The following MUC22 variants were observed in gnomAD, a reference collection of about 807,000 sequenced individuals.
MUC22 encodes the protein mucin-22.
A neutral mutation model predicts 40.3 loss-of-function variants in MUC22; 24 were observed. The ratio of observed to expected loss-of-function variants is 0.60; its 90% CI spans 0.43 to 0.84. The LOEUF (loss-of-function observed/expected upper bound fraction) is 0.84, where lower values mean the gene tolerates loss of function less well. Ranked by LOEUF, MUC22 falls within the 40% of genes least tolerant of loss-of-function variation. MUC22 has a pLI of 0.00. For synonymous variants in MUC22, 765 were observed against 844.5 expected (o/e 0.91, Z 1.63); for missense variants, 1,926 against 2,130.7 (o/e 0.90, Z 1.89).
chr6:31,014,734 C>T (rs923611699), intron 1 of MUC22, among the ~76,000 whole-genome samples: 3 of 152,176 alleles, frequency 2.0e-5, no homozygotes, highest in African/African-American at 7.2e-5. Flanking sequence ...TCCATGCAGT[C>T]ATTCAGGGAT....
At chr6:31,028,528 G>A (rs1260546226) in exon 2 of MUC22, 1 of 1,533,048 alleles carries the variant, frequency 6.5e-7, no homozygotes, top group Non-Finnish European at 8.7e-7. Context: ...CATGGGCTCT[G>A]AGACCACTAT....
At chr6:31,014,941 G>C (rs1265869443) in intron 1 of MUC22, among the ~76,000 whole-genome samples, 1 of 152,144 alleles carries the variant, frequency 6.6e-6, no homozygotes, top group East Asian at 1.9e-4. Context: ...ACCTGAGAAA[G>C]ACATCAAGGT....
chr6:31,026,212 C>CAGATTCTA lies in MUC22; in HGVS notation c.781_782insAGATTCTA (p.Pro261GlnfsTer24). 1.3e-6 allele frequency: 2 copies of CAGATTCTA among 1,516,938 alleles called. 1 individual carries two copies. The highest frequency in any genetic ancestry group is 2.4e-5 in the South Asian group (2 of 83,216). The allele number at this position is 1,516,938 out of a possible 1,614,324, so 94.0% of individuals were successfully genotyped here. A position where few individuals can be genotyped will look rare whatever the true frequency, so the allele number is the denominator to read the frequency against. ...CATGAGCTCTGAGACCACTGTGGCCCCCGCTGCAGGCTCTAACACCACCAC... is the reference window on the plus strand; with the variant it reads ...CATGAGCTCTGAGACCACTGTGGCCCAGATTCTACCGCTGCAGGCTCTAACACCACCAC... On this transcript the variant is annotated frameshift_variant, in exon 2 of 4. Transcript: ENST00000561890. LOFTEE classifies it high-confidence loss of function.
rs1412012641 is a variant in MUC22, at chr6:31,011,035, G to A, written c.70+259G>A. Among the ~76,000 whole-genome samples the A allele has an allele frequency of 6.6e-6, 1 of 152,010 alleles. No homozygotes were observed. Among genetic ancestry groups the A allele is most frequent in the Non-Finnish European group, 1.5e-5 (1 of 68,022 alleles). On this transcript the variant is annotated intron_variant, in intron 1 of 3. Transcript: ENST00000561890. The surrounding 1 kb of genome is among the most constrained non-coding windows in gnomAD (Gnocchi z 4.5). ...TGTGAGCACATGTGGTGGGGCGGTG[G>A]GGCGGTGCTGGGGAAATGGAGGGGG...
chr6:31,035,182 G>A (rs980866080), exon 4 of MUC22: 1 of 497,558 alleles, frequency 2.0e-6, no homozygotes, highest in Admixed American at 3.6e-5. Flanking sequence ...GACTTTGACT[G>A]GCTTGGAGGG....
chr6:31,018,814 T>G (rs1250086945), intron 1 of MUC22, among the ~76,000 whole-genome samples: 1 of 152,278 alleles, frequency 6.6e-6, no homozygotes, highest in African/African-American at 2.4e-5. Flanking sequence ...AGCCTCTCTA[T>G]TCTCTTGACT....
exon 2 of MUC22, chr6:31,027,575 C>T (rs1182807240): frequency 6.5e-7 from 1 of 1,527,386 alleles, no homozygotes; most frequent in Non-Finnish European, 8.7e-7. Context: ...GGTTCTGAGA[C>T]CACTACAGTC....
intron 1 of MUC22, among the ~76,000 whole-genome samples, chr6:31,014,307 C>A (rs7755648): frequency 6.6e-6 from 1 of 151,668 alleles, no homozygotes; most frequent in Non-Finnish European, 1.5e-5. Context: ...CTGTCTTTTC[C>A]AAACACATGA....
chr6:31,027,973 G>A, exon 2 of MUC22: 1 of 1,533,244 alleles, frequency 6.5e-7, no homozygotes, highest in Non-Finnish European at 8.7e-7. Flanking sequence ...GACCACCACA[G>A]TCTCTACTGC....
At chr6:31,009,914 G>T (rs1763750610), upstream of MUC22, among the ~76,000 whole-genome samples, 1 of 152,118 alleles carries the variant, frequency 6.6e-6, no homozygotes, top group Non-Finnish European at 1.5e-5. Flanking sequence ...CTTGATACTA[G>T]AAGTGAGACT....
At chr6:31,027,413 C>T (rs1205739102) in exon 2 of MUC22, 1 of 1,532,134 alleles carries the variant, frequency 6.5e-7, no homozygotes, top group Non-Finnish European at 8.7e-7. Context: ...GTTTCTATCA[C>T]AGACTCAGAG....
Position 31,032,646 on chromosome 6 carries a change from G to A in MUC22, c.5055+65G>A. The A allele has an allele frequency of 6.8e-7, 1 of 1,464,538 alleles. No individual in the cohort carries two copies. Among genetic ancestry groups the A allele is most frequent in the Non-Finnish European group, 9.0e-7 (1 of 1,107,842 alleles). The allele number at this position is 1,464,538 out of a possible 1,614,324, so 90.7% of individuals were successfully genotyped here. ...AAGGCAGGGGGGAATCATGTCAGCA[G>A]TGCTTTGGAAAAATCCAGAATGAGA... is the stretch of plus-strand genomic sequence containing the variant. On this transcript the variant is annotated intron_variant, in intron 3 of 3. Coordinates refer to ENST00000561890, the Ensembl canonical transcript of MUC22. This position sits in a 1 kb window ranked among gnomAD's most constrained non-coding sequence, Gnocchi z 4.1.
intron 1 of MUC22, among the ~76,000 whole-genome samples, chr6:31,017,257 G>A (rs956338752): frequency 6.6e-6 from 1 of 152,262 alleles, no homozygotes; most frequent in Non-Finnish European, 1.5e-5. Flanking sequence ...AGGCCAGCTG[G>A]GCTCCTGAGT....
rs961071922 is a variant in MUC22, at chr6:31,027,533, C to T, written c.2102C>T (p.Ser701Leu). ...TCTGAGATCACAATAGCCTCTACTT[C>T]AGACTCTGAGACCACCACAGCTTCT... is the stretch of plus-strand genomic sequence containing the variant. Residue 701 changes from serine (S) to leucine (L), a missense_variant, in exon 2 of 4, where the codon TCA (serine) becomes TTA (leucine). Transcript: ENST00000561890. 5 of 1,529,084 alleles carry T rather than the reference C, an allele frequency of 3.3e-6. No homozygotes were observed. The African/African-American group carries it at 5.5e-5, about 17-fold the overall frequency. 94.7% of individuals were successfully genotyped at this position (1,529,084 alleles called of 1,614,324 possible). A position where few individuals can be genotyped will look rare whatever the true frequency, so the allele number is the denominator to read the frequency against.
intron 1 of MUC22, among the ~76,000 whole-genome samples, chr6:31,015,279 G>A (rs1414098697): frequency 1.3e-5 from 2 of 152,144 alleles, no homozygotes; most frequent in African/African-American, 2.4e-5. Context: ...GGAAGGTCCT[G>A]TCTCTCCCTA....
chr6:31,018,075 ACACT>A (rs1196271523), intron 1 of MUC22, among the ~76,000 whole-genome samples: 1 of 152,242 alleles, frequency 6.6e-6, no homozygotes, highest in African/African-American at 2.4e-5. Context: ...AAGAACTGTG[ACACT>A]CACGGCGAGA....
upstream of MUC22, chr6:31,006,113 A>G: frequency 2.5e-6 from 1 of 401,268 alleles, no homozygotes; most frequent in Admixed American, 3.1e-5. Context: ...TCTCAAAAAA[A>G]TGAAAAATAA....
At chr6:31,022,408 C>G (rs996162738) in intron 1 of MUC22, among the ~76,000 whole-genome samples, 2 of 152,128 alleles carry the variant, frequency 1.3e-5, no homozygotes, top group South Asian at 4.1e-4. Flanking sequence ...CTGCCTGCCT[C>G]TGCTTCCCAA....
exon 2 of MUC22, chr6:31,027,967 A>G: frequency 1.3e-6 from 2 of 1,535,024 alleles, no homozygotes; most frequent in Non-Finnish European, 1.7e-6. Flanking sequence ...CTCTGAGACC[A>G]CCACAGTCTC....
Sources: allele counts gnomAD v4.1 joint callset (sites outside exome capture counted in the v4.1 genomes callset), GRCh38; gene constraint gnomAD v4.1.1; non-coding constraint Gnocchi (gnomAD v3.1); transcripts MANE v1.5; gene names NCBI Gene and HGNC (gene_info 2026-07-23, HGNC 2026-07-21).